CFAP58: variants seen among roughly 807,000 people sequenced by gnomAD.
The protein encoded by CFAP58 is cilia- and flagella-associated protein 58.
In CFAP58, 88 loss-of-function variants were observed where a neutral mutation model predicts 119.5. The ratio of observed to expected loss-of-function variants is 0.74; its 90% confidence interval spans 0.62 to 0.88. The LOEUF (loss-of-function observed/expected upper bound fraction) is 0.88. Among genes scored for constraint, CFAP58 ranks in the 40% least tolerant of loss-of-function variants. CFAP58 has a pLI of 0.00. For missense variants in CFAP58, 990 were observed against 1,021.2 expected (o/e 0.97, Z 0.42); for synonymous variants, 365 against 366.3 (o/e 1.00, Z 0.04).
At chr10:104,342,358 A>G in the CFAP58 span, among the ~76,000 whole-genome samples, 1 of 152,180 alleles carries the variant, frequency 6.6e-6, no homozygotes, top group African/African-American at 2.4e-5. Flanking sequence ...TTAAATTATG[A>G]GTGAGGCTGA....
At chr10:104,410,776 G>A (rs535945386) in intron 15 of CFAP58, among the ~76,000 whole-genome samples, 1 of 152,014 alleles carries the variant, frequency 6.6e-6, no homozygotes, top group African/African-American at 2.4e-5. Context: ...CTGTGTCTTC[G>A]AATAGTCTCT....
intron 17 of CFAP58, among the ~76,000 whole-genome samples, chr10:104,453,427 A>G (rs897855755): frequency 3.3e-5 from 5 of 151,976 alleles, no homozygotes; most frequent in African/African-American, 9.7e-5. Flanking sequence ...CAAAATAGCA[A>G]CTCTTATCAT....
At chr10:104,339,197 T>C in the CFAP58 span, among the ~76,000 whole-genome samples, 1 of 152,198 alleles carries the variant, frequency 6.6e-6, no homozygotes, top group East Asian at 1.9e-4. Context: ...ACTTTTATGA[T>C]AATCAAATGC....
At chr10:104,348,885 GT>G (rs2014428125), upstream of CFAP58, among the ~76,000 whole-genome samples, 1 of 152,162 alleles carries the variant, frequency 6.6e-6, no homozygotes, top group African/African-American at 2.4e-5. Context: ...ATACAGCAGA[GT>G]GCTGGCTGGT....
chr10:104,449,929 G>T (rs2013167711), intron 16 of CFAP58, 142 bp from the exon 17 acceptor site: 1 of 773,612 alleles, frequency 1.3e-6, no homozygotes, highest in Non-Finnish European at 2.0e-6. Context: ...ACCCTGAGCT[G>T]GTGGAAGCAT....
intron 15 of CFAP58, among the ~76,000 whole-genome samples, chr10:104,426,039 C>G (rs914396072): frequency 2.0e-5 from 3 of 152,080 alleles, no homozygotes; most frequent in African/African-American, 7.2e-5. Context: ...TGACACCAGC[C>G]TGGGCAACAT....
At chr10:104,387,389 C>T (rs576210284) in intron 9 of CFAP58, among the ~76,000 whole-genome samples, 4 of 152,274 alleles carry the variant, frequency 2.6e-5, no homozygotes, top group South Asian at 2.1e-4. Flanking sequence ...GACAAAGCCA[C>T]GCATACAGGC....
At chr10:104,360,513 A>G (rs1375610419) in intron 2 of CFAP58, among the ~76,000 whole-genome samples, 1 of 151,986 alleles carries the variant, frequency 6.6e-6, no homozygotes. Flanking sequence ...GCAGGGGTAC[A>G]TGTGCAGGAT....
intron 14 of CFAP58, among the ~76,000 whole-genome samples, chr10:104,405,076 CT>C (rs2012337155): frequency 6.6e-6 from 1 of 151,772 alleles, no homozygotes. Flanking sequence ...TTATTTTTTC[CT>C]TTTAATGAAG....
At chr10:104,400,179 C>A (rs1449932674) in intron 12 of CFAP58, among the ~76,000 whole-genome samples, 1 of 152,158 alleles carries the variant, frequency 6.6e-6, no homozygotes, top group African/African-American at 2.4e-5. Context: ...CAGAGTCTCT[C>A]TCTGTCACCC....
Position 104,450,195 on chromosome 10 carries a change from A to G in CFAP58, c.2501A>G (p.Gln834Arg), listed in dbSNP as rs1351143923. The G allele has an allele frequency of 1.9e-6, 3 of 1,612,114 alleles. No homozygotes were observed. The highest frequency in any genetic ancestry group is 2.5e-6 in the Non-Finnish European group (3 of 1,179,652). ...KKYLAQKRKE[Q>R]LQKNKDTAPM... ...TACCTCGCTCAGAAACGTAAAGAAC[A>G]ACTTCAAAAGTAAGAATTAGTCAAA... The change falls in exon 17 of 18, where the codon CAA becomes CGA. Residue 834 changes from glutamine (Q) to arginine (R), a missense_variant. Coordinates refer to ENST00000369704, the MANE Select transcript of CFAP58 (RefSeq NM_001008723.2).
chr10:104,339,192 TATGATA>T, the CFAP58 span, among the ~76,000 whole-genome samples: 1 of 152,212 alleles, frequency 6.6e-6, no homozygotes, highest in Non-Finnish European at 1.5e-5. Flanking sequence ...GCCCGACTTT[TATGATA>T]ATCAAATGCA....
At chr10:104,345,068 A>G in the CFAP58 span, among the ~76,000 whole-genome samples, 4 of 151,372 alleles carry the variant, frequency 2.6e-5, no homozygotes, top group South Asian at 2.1e-4. Context: ...AATGCCTTGA[A>G]CCCTCAAGGA....
intron 15 of CFAP58, among the ~76,000 whole-genome samples, chr10:104,430,436 T>C (rs2012826450): frequency 6.6e-6 from 1 of 152,242 alleles, no homozygotes; most frequent in Admixed American, 6.5e-5. Flanking sequence ...CTTTTCACAT[T>C]ACCTTCTCAC....
intron 4 of CFAP58, 139 bp from the exon 5 acceptor site, chr10:104,365,675 G>A: frequency 1.6e-6 from 1 of 623,810 alleles, no homozygotes; most frequent in Non-Finnish European, 2.7e-6. Flanking sequence ...GCTCAAGGAT[G>A]TCTGCCCTAT....
At chr10:104,429,161 A>C (rs1427450637) in intron 15 of CFAP58, among the ~76,000 whole-genome samples, 3 of 152,096 alleles carry the variant, frequency 2.0e-5, no homozygotes, top group African/African-American at 7.2e-5. Flanking sequence ...TGTGCATGGC[A>C]GTTGTCACAG....
chr10:104,438,431 A>G (rs1309452442), intron 15 of CFAP58, among the ~76,000 whole-genome samples: 1 of 133,364 alleles, frequency 7.5e-6, no homozygotes, highest in African/African-American at 3.0e-5. Context: ...TGCGGACTGC[A>G]GTGGCGCAAT....
intron 15 of CFAP58, among the ~76,000 whole-genome samples, chr10:104,430,052 G>A (rs1325610939): frequency 6.6e-6 from 1 of 152,160 alleles, no homozygotes; most frequent in Non-Finnish European, 1.5e-5. Flanking sequence ...CATGAAAGGA[G>A]CTATTCTAGA....
At chr10:104,354,356 T>C (rs1019973951) in intron 1 of CFAP58, among the ~76,000 whole-genome samples, 1 of 152,140 alleles carries the variant, frequency 6.6e-6, no homozygotes, top group African/African-American at 2.4e-5. Flanking sequence ...TTTCCTAACA[T>C]GTGATCACCT....
Sources: allele counts gnomAD v4.1 joint callset (sites outside exome capture counted in the v4.1 genomes callset), GRCh38; gene constraint gnomAD v4.1.1; transcripts MANE v1.5; gene names NCBI Gene and HGNC (gene_info 2026-07-23, HGNC 2026-07-21).